FSTL5: variants seen among roughly 807,000 people sequenced by gnomAD.
FSTL5 encodes follistatin like 5, also known as follistatin-related protein 5.
In FSTL5, 62 loss-of-function variants were observed where a neutral mutation model predicts 89.1. The observed-to-expected ratio is 0.70, with a 90% CI of 0.57 to 0.86. The LOEUF is 0.86. FSTL5 is among the 40% of genes least tolerant of loss of function. FSTL5 has a pLI of 0.00. For missense variants in FSTL5, 1,057 were observed against 1,001.6 expected (o/e 1.06, Z -0.75); for synonymous variants, 383 against 346.2 (o/e 1.11, Z -1.18).
At chr4:161,596,626 C>G (rs1310589227) in intron 7 of FSTL5, among the ~76,000 whole-genome samples, 1 of 152,060 alleles carries the variant, frequency 6.6e-6, no homozygotes, top group African/African-American at 2.4e-5. Flanking sequence ...AACTACATCT[C>G]AGAATAATCA....
chr4:161,898,899 G>T lies in FSTL5; in HGVS notation c.409+21505C>A, dbSNP rs893936025. On this transcript the variant is annotated intron_variant, in intron 4 of 15. Transcript: ENST00000306100. The stretch of plus-strand genomic sequence containing the variant: ...CCGCCTCAGCATCCCAAAGTCCTGG[G>T]ATTACAAGCCTGAGCCACCGCGCCC... Among the ~76,000 whole-genome samples the T allele has an allele frequency of 1.2e-4, 18 of 152,036 alleles. 1 individual carries two copies. The highest frequency in any genetic ancestry group is 6.8e-3 in the Middle Eastern group (2 of 294).
At chr4:162,158,761 A>G (rs1733580062) in intron 1 of FSTL5, among the ~76,000 whole-genome samples, 1 of 152,058 alleles carries the variant, frequency 6.6e-6, no homozygotes, top group South Asian at 2.1e-4. Context: ...ATTACTTAAT[A>G]TGGGTTTATG....
At chr4:161,611,647 A>C (rs1467681275) in intron 7 of FSTL5, among the ~76,000 whole-genome samples, 1 of 152,142 alleles carries the variant, frequency 6.6e-6, no homozygotes, top group African/African-American at 2.4e-5. Context: ...TCCAGGGAGG[A>C]GCATCATACA....
intron 3 of FSTL5, among the ~76,000 whole-genome samples, chr4:162,009,878 G>A (rs556200741): frequency 6.6e-6 from 1 of 151,724 alleles, no homozygotes; most frequent in Non-Finnish European, 1.5e-5. Flanking sequence ...AAGCTATAAA[G>A]ATGAAATATA....
intron 3 of FSTL5, among the ~76,000 whole-genome samples, chr4:161,926,453 T>A (rs1043017209): frequency 6.6e-6 from 1 of 150,478 alleles, no homozygotes; most frequent in East Asian, 1.9e-4. Context: ...AAATAATAAG[T>A]AGAAAAAAGC....
At chr4:161,695,773 C>T (rs904970304) in intron 6 of FSTL5, among the ~76,000 whole-genome samples, 5 of 151,924 alleles carry the variant, frequency 3.3e-5, no homozygotes, top group Non-Finnish European at 5.9e-5. Context: ...CTTTTGAGAA[C>T]TGTCTCTTCA....
At chr4:161,641,220 A>G (rs1560764949) in intron 7 of FSTL5, among the ~76,000 whole-genome samples, 1 of 152,336 alleles carries the variant, frequency 6.6e-6, no homozygotes, top group East Asian at 1.9e-4. Context: ...AAGAATCTCA[A>G]TAAAGGTAAA....
intron 3 of FSTL5, among the ~76,000 whole-genome samples, chr4:161,968,469 C>T (rs919133518): frequency 6.6e-6 from 1 of 151,984 alleles, no homozygotes; most frequent in Non-Finnish European, 1.5e-5. Context: ...CTTTTATATG[C>T]AGTAGAGCAC....
intron 3 of FSTL5, among the ~76,000 whole-genome samples, chr4:162,017,896 C>T (rs1047220907): frequency 6.6e-6 from 1 of 152,134 alleles, no homozygotes; most frequent in Non-Finnish European, 1.5e-5. Flanking sequence ...TATTGTCCAA[C>T]TCATTATACC....
At chr4:161,926,240 TAA>T (rs1251058439) in intron 3 of FSTL5, among the ~76,000 whole-genome samples, 1 of 151,846 alleles carries the variant, frequency 6.6e-6, no homozygotes, top group Non-Finnish European at 1.5e-5. Flanking sequence ...GCTGCCTGAC[TAA>T]AAGTTTGCCC....
chr4:161,391,778 C>T (rs1730831603), intron 15 of FSTL5, among the ~76,000 whole-genome samples: 1 of 152,128 alleles, frequency 6.6e-6, no homozygotes, highest in Non-Finnish European at 1.5e-5. Context: ...AGATTTATTA[C>T]AAGAGCAAGG....
chr4:161,467,720 G>C (rs1733794119), intron 13 of FSTL5, among the ~76,000 whole-genome samples: 1 of 152,036 alleles, frequency 6.6e-6, no homozygotes, highest in Non-Finnish European at 1.5e-5. Flanking sequence ...GTAATGTTAA[G>C]ACAAATATAA....
chr4:161,598,491 TAGAA>T (rs1453265692), intron 7 of FSTL5, among the ~76,000 whole-genome samples: 3 of 151,930 alleles, frequency 2.0e-5, no homozygotes, highest in African/African-American at 7.2e-5. Flanking sequence ...AATCCTGAAA[TAGAA>T]AGAGAAAACA....
intron 2 of FSTL5, among the ~76,000 whole-genome samples, chr4:162,045,128 T>C (rs1738121726): frequency 6.6e-6 from 1 of 152,190 alleles, no homozygotes. Flanking sequence ...TCGGCTTTTG[T>C]TATAACTTTC....
chr4:161,736,275 A>G (rs550770149), intron 6 of FSTL5, among the ~76,000 whole-genome samples: 1 of 151,808 alleles, frequency 6.6e-6, no homozygotes, highest in African/African-American at 2.4e-5. Flanking sequence ...CTCATTTTTT[A>G]TCACCATTTT....
chr4:161,550,166 T>G (rs1732150691), intron 8 of FSTL5, among the ~76,000 whole-genome samples: 2 of 151,848 alleles, frequency 1.3e-5, no homozygotes, highest in African/African-American at 2.4e-5. Flanking sequence ...ATCCTGTACA[T>G]TGCCCTTAAT....
intron 6 of FSTL5, among the ~76,000 whole-genome samples, chr4:161,687,524 C>T (rs1026108353): frequency 7.2e-5 from 11 of 152,092 alleles, no homozygotes; most frequent in Admixed American, 2.6e-4. Context: ...TCATGAATGT[C>T]TAGGTCAGTA....
intron 15 of FSTL5, among the ~76,000 whole-genome samples, chr4:161,402,604 A>G (rs1731219439): frequency 1.3e-5 from 2 of 152,144 alleles, no homozygotes; most frequent in Admixed American, 6.5e-5. Flanking sequence ...GGCTATACAT[A>G]CACTACACAC....
chr4:161,545,477 T>G (rs1387909573), intron 8 of FSTL5, among the ~76,000 whole-genome samples: 1 of 152,000 alleles, frequency 6.6e-6, no homozygotes, highest in Non-Finnish European at 1.5e-5. Flanking sequence ...GAATCAAATA[T>G]AGTGATTTAT....
Sources: allele counts gnomAD v4.1 joint callset (sites outside exome capture counted in the v4.1 genomes callset), GRCh38; gene constraint gnomAD v4.1.1; transcripts MANE v1.5; gene names NCBI Gene and HGNC (gene_info 2026-07-23, HGNC 2026-07-21).